MARK3: variants seen among roughly 807,000 people sequenced by gnomAD.
The protein encoded by MARK3 is microtubule affinity regulating kinase 3, also known as MAP/microtubule affinity-regulating kinase 3.
A neutral mutation model predicts 90.1 loss-of-function variants in MARK3; 46 were observed. That is an observed-to-expected ratio of 0.51 (90% CI 0.40 to 0.65). The LOEUF is 0.65. Among genes scored for constraint, MARK3 ranks in the 30% least tolerant of loss-of-function variants. The probability of loss-of-function intolerance (pLI) is 0.00; values close to 1 mark genes in which losing one functional copy is unlikely to be tolerated. For synonymous variants in MARK3, 321 were observed against 332.6 expected (o/e 0.97, Z 0.38); for missense variants, 818 against 947.2 (o/e 0.86, Z 1.79).
rs1448229734 is a variant in MARK3, at chr14:103,448,903, TTG to T, written c.298-14_298-13del. On this transcript the variant is annotated splice_polypyrimidine_tract_variant and intron_variant, in intron 3 of 17. Coordinates refer to ENST00000429436, the MANE Select transcript of MARK3 (RefSeq NM_001128918.3). ...GTGTTGGGGGGATTATGTGTTTTGT[TTG>T]TTTTTTTTTTTAGCTCTTCAGAGAA... is the stretch of plus-strand genomic sequence containing the variant. 6.4e-7 allele frequency: 1 copy of T among 1,552,922 alleles called. No individual in the cohort carries two copies. The highest frequency in any genetic ancestry group is 1.4e-5 in the African/African-American group (1 of 72,016).
At chr14:103,410,187 C>T (rs866367668) in intron 2 of MARK3, among the ~76,000 whole-genome samples, 1 of 152,048 alleles carries the variant, frequency 6.6e-6, no homozygotes, top group South Asian at 2.1e-4. Flanking sequence ...TTATTTCTTA[C>T]AATTGTGGAG....
chr14:103,465,869 CATT>C, intron 8 of MARK3, 76 bp downstream of exon 8: 2 of 1,542,198 alleles, frequency 1.3e-6, no homozygotes, highest in South Asian at 1.2e-5. Flanking sequence ...ATATTTTTAA[CATT>C]ATATCAGTGC....
intron 14 of MARK3, among the ~76,000 whole-genome samples, chr14:103,481,916 G>A (rs1272595977): frequency 8.0e-5 from 12 of 150,828 alleles, no homozygotes; most frequent in Admixed American, 7.9e-4. Flanking sequence ...ACAGGCGCCT[G>A]CCACCACTCC....
At chr14:103,495,868 T>G (rs2075310231) in intron 15 of MARK3, among the ~76,000 whole-genome samples, 1 of 152,210 alleles carries the variant, frequency 6.6e-6, no homozygotes, top group Non-Finnish European at 1.5e-5. Context: ...TTAGCAATAA[T>G]TGGTAGGATT....
intron 6 of MARK3, chr14:103,458,852 T>C: frequency 1.7e-6 from 1 of 602,496 alleles, no homozygotes; most frequent in South Asian, 2.0e-5. Context: ...TTGCTGTTGC[T>C]TAAATACTAA....
In MARK3 at chr14:103,427,394, G is replaced by C. The variant is rs938900260; in HGVS notation, c.244-993G>C. Among the ~76,000 whole-genome samples the C allele has an allele frequency of 2.7e-5, 4 of 150,264 alleles. No homozygotes were observed. In the Admixed American group the frequency reaches 2.7e-4, roughly 10 times the overall value. The stretch of plus-strand genomic sequence containing the variant: ...CGCACCTGTAATCCCAGCTACTCCA[G>C]AGGCTGAGGGAGTAGAAACTATGAA... On this transcript the variant is annotated intron_variant, in intron 2 of 17. Coordinates refer to ENST00000429436, the MANE Select transcript of MARK3 (RefSeq NM_001128918.3).
At chr14:103,405,440 T>TC (rs1053310057) in intron 2 of MARK3, among the ~76,000 whole-genome samples, 173 bp downstream of exon 2, 6 of 152,112 alleles carry the variant, frequency 3.9e-5, no homozygotes, top group African/African-American at 1.2e-4. Context: ...AAACTCTGCC[T>TC]CCCGGGTTCA....
intron 14 of MARK3, among the ~76,000 whole-genome samples, chr14:103,482,404 C>T (rs2093842476): frequency 2.0e-5 from 3 of 151,846 alleles, no homozygotes; most frequent in South Asian, 4.2e-4. Flanking sequence ...GCCTGTAGTC[C>T]CAGCTACCAG....
Position 103,387,894 on chromosome 14 carries a change from G to A in MARK3, c.51+1814G>A, listed in dbSNP as rs75139935. 9.5e-3 allele frequency among the ~76,000 whole-genome samples: 1,443 copies of A among 152,140 alleles called. 21 individuals are homozygous for A. Among genetic ancestry groups the A allele is most frequent in the African/African-American group, 0.033 (1,385 of 41,492 alleles). ...TAAACTGAAGCCAAAAACAGTCATA[G>A]CAGATTTGTGATAATGAAGGATTTC... On this transcript the variant is annotated intron_variant, in intron 1 of 17. Coordinates refer to ENST00000429436, the MANE Select transcript of MARK3 (RefSeq NM_001128918.3).
intron 2 of MARK3, among the ~76,000 whole-genome samples, chr14:103,422,862 C>T (rs770857121): frequency 6.6e-6 from 1 of 152,278 alleles, no homozygotes. Flanking sequence ...TGGATTGAAT[C>T]GTATGCCTCA....
chr14:103,431,798 T>C (rs1215631940), intron 3 of MARK3, among the ~76,000 whole-genome samples: 1 of 152,184 alleles, frequency 6.6e-6, no homozygotes, highest in Non-Finnish European at 1.5e-5. Context: ...TCTACAACAC[T>C]GTTTACCATT....
chr14:103,405,688 CAT>C (rs2091244705), intron 2 of MARK3, among the ~76,000 whole-genome samples: 1 of 151,862 alleles, frequency 6.6e-6, no homozygotes, highest in Admixed American at 6.6e-5. Context: ...GTTCTAACCA[CAT>C]AATATAAATT....
intron 3 of MARK3, among the ~76,000 whole-genome samples, chr14:103,437,324 G>A (rs945616053): frequency 6.6e-6 from 1 of 151,418 alleles, no homozygotes; most frequent in Non-Finnish European, 1.5e-5. Context: ...AACCTGGGAG[G>A]CGGAGCTTGC....
intron 12 of MARK3, 107 bp downstream of exon 12, chr14:103,468,293 G>A (rs1595824149): frequency 3.2e-6 from 2 of 620,774 alleles, no homozygotes; most frequent in Middle Eastern, 3.6e-4. Context: ...TCCTTTCTTG[G>A]CATTGCTTTC....
chr14:103,472,851 A>G (rs1369693316), intron 12 of MARK3, among the ~76,000 whole-genome samples: 1 of 151,726 alleles, frequency 6.6e-6, no homozygotes, highest in African/African-American at 2.4e-5. Context: ...CTAAAATTAC[A>G]AAAAATTAGC....
At chr14:103,461,107 T>A (rs2093392710) in intron 6 of MARK3, among the ~76,000 whole-genome samples, 1 of 152,198 alleles carries the variant, frequency 6.6e-6, no homozygotes, top group Non-Finnish European at 1.5e-5. Flanking sequence ...CACGGGTGGG[T>A]CCATGGGGCT....
chr14:103,500,561 GA>G (rs1259512064), intron 17 of MARK3, among the ~76,000 whole-genome samples: 2 of 152,100 alleles, frequency 1.3e-5, no homozygotes, highest in Non-Finnish European at 2.9e-5. Context: ...GTACTTAATA[GA>G]ATGTCCATAT....
At chr14:103,420,803 G>A (rs1242047049) in intron 2 of MARK3, among the ~76,000 whole-genome samples, 1 of 152,100 alleles carries the variant, frequency 6.6e-6, no homozygotes, top group African/African-American at 2.4e-5. Flanking sequence ...GAAAAAATAT[G>A]CACATCCCTA....
intron 6 of MARK3, among the ~76,000 whole-genome samples, chr14:103,460,105 G>T (rs868538951): frequency 0.19 from 1,468 of 7,554 alleles, 57 homozygotes; most frequent in Non-Finnish European, 0.29. Flanking sequence ...TTTTTTTTTT[G>T]AGACAAATCT....
Sources: gnomAD v4.1 joint callset for allele counts (sites outside exome capture counted in the v4.1 genomes callset) on GRCh38, gnomAD v4.1.1 for gene constraint, MANE v1.5 for transcripts, NCBI Gene and HGNC (gene_info 2026-07-23, HGNC 2026-07-21) for gene names.